ZFYVE26: variants seen among roughly 807,000 people sequenced by gnomAD.
ZFYVE26 encodes zinc finger FYVE-type containing 26.
In ZFYVE26, 181 loss-of-function variants were observed where a neutral mutation model predicts 276.5. The observed-to-expected ratio is 0.65, with a 90% confidence interval of 0.58 to 0.74. The LOEUF (loss-of-function observed/expected upper bound fraction) is 0.74. ZFYVE26 is among the 30% of genes least tolerant of loss of function. The probability of loss-of-function intolerance (pLI) is 0.00; values close to 1 mark genes in which losing one functional copy is unlikely to be tolerated. For missense variants in ZFYVE26, 2,821 were observed against 3,097.9 expected (o/e 0.91, Z 2.12); for synonymous variants, 1,129 against 1,203.1 (o/e 0.94, Z 1.27).
At chr14:67,788,314 G>A (rs548605831) in intron 16 of ZFYVE26, among the ~76,000 whole-genome samples, 2 of 152,178 alleles carry the variant, frequency 1.3e-5, no homozygotes, top group South Asian at 2.1e-4. Context: ...GCTTGAACCC[G>A]GGAGGTGGAA....
intron 15 of ZFYVE26, 107 bp from the exon 16 acceptor site, chr14:67,789,705 AG>A: frequency 7.0e-7 from 1 of 1,434,638 alleles, no homozygotes; most frequent in Admixed American, 1.8e-5. Context: ...TCATCTGCAC[AG>A]GGTATCTTTC....
At position 67,785,299 on chromosome 14, in the gene ZFYVE26, A is replaced by G. The variant is rs749730273; in HGVS notation, c.3305-22T>C. 9 of 1,570,828 alleles carry G rather than the reference A, an allele frequency of 5.7e-6. No individual in the cohort carries two copies. The African/African-American group carries it at 1.2e-4, about 21-fold the overall frequency. ...GGCTCTGAGAGGAGGATGGCAGGAG[A>G]AAGGACACAGGCTTCAGTCTGTGAG... is the stretch of plus-strand genomic sequence containing the variant. On this transcript the variant is annotated intron_variant, in intron 18 of 41. Coordinates refer to ENST00000347230, the MANE Select transcript of ZFYVE26 (RefSeq NM_015346.4).
intron 3 of ZFYVE26, among the ~76,000 whole-genome samples, chr14:67,810,562 C>T (rs1377399746): frequency 1.3e-5 from 2 of 151,894 alleles, no homozygotes; most frequent in African/African-American, 4.8e-5. Flanking sequence ...TTTTTTCAAA[C>T]AAAAAGGAAA....
At position 67,789,339 on chromosome 14, in the gene ZFYVE26, C is replaced by A. The variant is rs759905166; in HGVS notation, c.3015G>T (p.Arg1005Ser). Reference protein sequence around the residue: ...AERRLNSSLERRGRRIDHVLL... With the variant: ...AERRLNSSLESRGRRIDHVLL... ...CAGCTAACACAGCACACTCACCCCGCCTTTCAAGGCTACTATTCAAACGCC... is the reference window on the plus strand; with the variant it reads ...CAGCTAACACAGCACACTCACCCCGACTTTCAAGGCTACTATTCAAACGCC... The change falls in exon 16 of 42, where the codon AGG (arginine) becomes AGT (serine). Residue 1005 changes from arginine to serine, a missense_variant. Transcript: ENST00000347230. The A allele has an allele frequency of 6.2e-7, 1 of 1,614,186 alleles. No homozygotes were observed. The highest frequency in any genetic ancestry group is 8.5e-7 in the Non-Finnish European group (1 of 1,180,054).
At chr14:67,776,218 C>T in intron 25 of ZFYVE26, 112 bp from the exon 26 acceptor site, 1 of 1,467,940 alleles carries the variant, frequency 6.8e-7, no homozygotes, top group Non-Finnish European at 9.4e-7. Context: ...GGTGCATAGC[C>T]AGCTACTGAA....
At chr14:67,799,357 C>T in intron 10 of ZFYVE26, 1 of 1,611,036 alleles carries the variant, frequency 6.2e-7, no homozygotes. Flanking sequence ...CCTATAAGGC[C>T]TTTGTCAAAG....
chr14:67,793,096 C>T (rs542398267), intron 14 of ZFYVE26, among the ~76,000 whole-genome samples: 27 of 151,592 alleles, frequency 1.8e-4, no homozygotes, highest in Non-Finnish European at 2.9e-4. Flanking sequence ...CCTGTCTCTA[C>T]TAAAAATACA....
chr14:67,805,694 G>A lies in ZFYVE26; in HGVS notation c.1018-76C>T, dbSNP rs911364546. 6 of 1,524,590 alleles carry A rather than the reference G, an allele frequency of 3.9e-6. No individual in the cohort carries two copies. The African/African-American group carries it at 6.8e-5, about 17-fold the overall frequency. The allele number at this position is 1,524,590 out of a possible 1,614,324, so 94.4% of individuals were successfully genotyped here. ...GGGTTCTAGCTTACTGCTCTTTAGA[G>A]AAAGAAGTATTTTAGTACAGCAGGG... On this transcript the variant is annotated intron_variant, in intron 6 of 41. Transcript: ENST00000347230.
At chr14:67,763,539 T>C (rs1010160322) in intron 32 of ZFYVE26, among the ~76,000 whole-genome samples, 1 of 152,246 alleles carries the variant, frequency 6.6e-6, no homozygotes, top group Non-Finnish European at 1.5e-5. Context: ...TACAGGTTTG[T>C]AGCCTAGGAA....
At chr14:67,760,567 TA>T (rs892125307) in intron 35 of ZFYVE26, among the ~76,000 whole-genome samples, 3 of 151,990 alleles carry the variant, frequency 2.0e-5, no homozygotes, top group African/African-American at 7.2e-5. Flanking sequence ...AACATTCAGA[TA>T]AAAAAAGGAA....
intron 2 of ZFYVE26, among the ~76,000 whole-genome samples, chr14:67,815,378 A>G (rs990466177): frequency 6.6e-6 from 1 of 152,206 alleles, no homozygotes; most frequent in Non-Finnish European, 1.5e-5. Flanking sequence ...TGAGACTGCA[A>G]TTATTTCGAA....
At chr14:67,750,482 C>G (rs1566860281) in intron 41 of ZFYVE26, 3 of 167,678 alleles carry the variant, frequency 1.8e-5, no homozygotes, top group Non-Finnish European at 3.9e-5. Context: ...ATGGGGGCAT[C>G]TGGGAAGATT....
In ZFYVE26 at chr14:67,775,738, G is replaced by A. The variant is rs1196454426; in HGVS notation, c.5221+122C>T. 2.9e-6 allele frequency: 4 copies of A among 1,367,944 alleles called. No homozygotes were observed. In the African/African-American group the frequency reaches 4.3e-5, roughly 15 times the overall value. 84.7% of individuals were successfully genotyped at this position (1,367,944 alleles called of 1,614,324 possible). A position where few individuals can be genotyped will look rare whatever the true frequency, so the allele number is the denominator to read the frequency against. On this transcript the variant is annotated intron_variant, in intron 26 of 41. Coordinates refer to ENST00000347230, the MANE Select transcript of ZFYVE26 (RefSeq NM_015346.4). ...TATATAATAAAGAGATAGCTCTTCT[G>A]AAGTGTATTCATTCACTCTAGATCA...
rs1051474610 is a variant in ZFYVE26, at chr14:67,769,464, G to A, written c.5621+130C>T. 4 of 1,365,282 alleles carry A rather than the reference G, an allele frequency of 2.9e-6. No homozygotes were observed. The African/African-American group carries it at 5.7e-5, about 19-fold the overall frequency. The allele number at this position is 1,365,282 out of a possible 1,614,324, so 84.6% of individuals were successfully genotyped here. A position where few individuals can be genotyped will look rare whatever the true frequency, so the allele number is the denominator to read the frequency against. On this transcript the variant is annotated intron_variant, in intron 29 of 41. Coordinates refer to ENST00000347230, the MANE Select transcript of ZFYVE26 (RefSeq NM_015346.4). ...ACAAACCCTTCAGTGTAGAGTTAATGGCATTTCAGTGTGAATGTTAAACAT... is the reference window on the plus strand; with the variant it reads ...ACAAACCCTTCAGTGTAGAGTTAATAGCATTTCAGTGTGAATGTTAAACAT...
intron 40 of ZFYVE26, 124 bp from the exon 41 acceptor site, chr14:67,751,220 T>G (rs2038633178): frequency 6.4e-6 from 7 of 1,085,294 alleles, no homozygotes. Flanking sequence ...TGACTTTTTT[T>G]TTCTCAAAGA....
At chr14:67,729,464 G>A in exon 14 of ZFYVE26, 1 of 1,380,708 alleles carries the variant, frequency 7.2e-7, no homozygotes, top group South Asian at 1.2e-5. Flanking sequence ...CTGAGAAGCT[G>A]AGTTTGTGCC....
downstream of ZFYVE26, among the ~76,000 whole-genome samples, chr14:67,745,847 G>T (rs1318860150): frequency 7.4e-6 from 1 of 135,310 alleles, no homozygotes; most frequent in Non-Finnish European, 1.5e-5. Flanking sequence ...GCAACATAGT[G>T]AGATACTGTC....
intron 16 of ZFYVE26, among the ~76,000 whole-genome samples, chr14:67,788,089 G>GAA (rs35779834): frequency 3.7e-4 from 55 of 149,844 alleles, no homozygotes; most frequent in Non-Finnish European, 2.7e-4. Context: ...ACCAGTCCTC[G>GAA]AAAAAAAAAA....
intron 34 of ZFYVE26, 64 bp downstream of exon 34, chr14:67,762,139 C>T: frequency 1.9e-6 from 3 of 1,560,184 alleles, no homozygotes; most frequent in East Asian, 2.2e-5. Flanking sequence ...GATTCTTTTC[C>T]CAGGTCATTG....
Sources: allele counts gnomAD v4.1 joint callset (sites outside exome capture counted in the v4.1 genomes callset), GRCh38; gene constraint gnomAD v4.1.1; transcripts MANE v1.5; gene names NCBI Gene and HGNC (gene_info 2026-07-23, HGNC 2026-07-21).